The following FBXO34 variants were observed in gnomAD, a reference collection of about 807,000 sequenced individuals.
The protein encoded by FBXO34 is F-box protein 34, also known as F-box only protein 34.
In FBXO34, 12 loss-of-function variants were observed where a neutral mutation model predicts 24.5. The ratio of observed to expected loss-of-function variants is 0.49; its 90% CI spans 0.31 to 0.79. FBXO34 has a LOEUF of 0.79. Ranked by LOEUF, FBXO34 falls within the 30% of genes least tolerant of loss-of-function variation. The pLI, the probability that FBXO34 is intolerant of heterozygous loss-of-function variation, is 0.04. For synonymous variants in FBXO34, 320 were observed against 311.9 expected (o/e 1.03, Z -0.27); for missense variants, 823 against 857.7 (o/e 0.96, Z 0.51).
chr14:55,428,230 G>C, the FBXO34 span, among the ~76,000 whole-genome samples: 8 of 143,578 alleles, frequency 5.6e-5, no homozygotes, highest in Non-Finnish European at 1.0e-4. Flanking sequence ...CCTGGGTTCT[G>C]GCCATTCTTC....
chr14:55,351,262 T>C lies in FBXO34; in HGVS notation c.872T>C (p.Leu291Pro). 1 of 1,614,184 alleles carries C rather than the reference T, an allele frequency of 6.2e-7. No homozygotes were observed. The highest frequency in any genetic ancestry group is 8.5e-7 in the Non-Finnish European group (1 of 1,180,042). Reference sequence around the variant, plus strand: ...GTAGCCAAGTTGGAGTCTGAGTGCCTGAAGCGGCAGGGCCAGCGTGAGCCT... The same window carrying C: ...GTAGCCAAGTTGGAGTCTGAGTGCCCGAAGCGGCAGGGCCAGCGTGAGCCT... Reference protein sequence around the residue: ...DMVAKLESECLKRQGQREPGS... With the variant: ...DMVAKLESECPKRQGQREPGS... The change falls in exon 2 of 2, where the codon CTG (leucine) becomes CCG (proline). Residue 291 changes from leucine to proline, a missense_variant. Physicochemically the swap from Leu to Pro is moderately conservative, Grantham distance 98. Around this residue, in one of 2 missense-constraint regions of FBXO34, gnomAD observed 693 missense variants for 659.1 expected, o/e 1.05. Transcript: ENST00000313833.
intron 1 of FBXO34, among the ~76,000 whole-genome samples, chr14:55,292,444 C>T (rs1471327510): frequency 1.3e-5 from 2 of 152,086 alleles, no homozygotes; most frequent in African/African-American, 2.4e-5. Flanking sequence ...ACTGCAGCCT[C>T]TACCTCCTAG....
chr14:55,352,271 T>C lies in FBXO34; in HGVS notation c.1881T>C (p.Tyr627=). The change falls in exon 2 of 2, where the codon TAT becomes TAC. Residue 627 remains tyrosine (Y), a synonymous_variant. Transcript: ENST00000313833. ...ADSRWVRDPR[Y]REDPCKQCKK... is the part of the protein sequence containing the mutation. ...CTCGCTGGGTTCGAGATCCACGCTATAGAGAGGATCCTTGCAAACAGTGCA... is the reference window on the plus strand; with the variant it reads ...CTCGCTGGGTTCGAGATCCACGCTACAGAGAGGATCCTTGCAAACAGTGCA... 1 of 1,614,172 alleles carries C rather than the reference T, an allele frequency of 6.2e-7. No homozygotes were observed. The highest frequency in any genetic ancestry group is 8.5e-7 in the Non-Finnish European group (1 of 1,180,024).
chr14:55,305,860 T>C (rs1017930060), intron 1 of FBXO34, among the ~76,000 whole-genome samples: 4 of 152,246 alleles, frequency 2.6e-5, no homozygotes, highest in African/African-American at 9.6e-5. Context: ...GGTACACTGA[T>C]TTGGCTGTAA....
At chr14:55,318,148 T>C (rs1190128109) in intron 1 of FBXO34, 2 of 151,874 alleles carry the variant, frequency 1.3e-5, no homozygotes, top group Non-Finnish European at 2.9e-5. Context: ...CCAGTTCTTT[T>C]TGACCTGTGA....
chr14:55,365,786 G>A (rs1001306986), downstream of FBXO34, among the ~76,000 whole-genome samples: 1 of 152,064 alleles, frequency 6.6e-6, no homozygotes, highest in African/African-American at 2.4e-5. Context: ...AGATAAAGGG[G>A]CAGTATGACC....
intron 1 of FBXO34, among the ~76,000 whole-genome samples, chr14:55,320,578 C>T (rs932175609): frequency 2.6e-5 from 4 of 152,046 alleles, no homozygotes; most frequent in African/African-American, 7.3e-5. Flanking sequence ...GGTGAAACCC[C>T]GTCTCTACTA....
At chr14:55,411,803 T>C in the FBXO34 span, 2 of 1,597,392 alleles carry the variant, frequency 1.3e-6, no homozygotes, top group Admixed American at 1.7e-5. Context: ...CCGGGCTCCC[T>C]TCCCACTGGG....
At chr14:55,411,900 G>T in the FBXO34 span, 1 of 1,332,306 alleles carries the variant, frequency 7.5e-7, no homozygotes, top group Admixed American at 2.3e-5. Context: ...GAGGGGCCTG[G>T]GGAAGGGGGG....
intron 1 of FBXO34, among the ~76,000 whole-genome samples, chr14:55,319,480 T>G (rs1459279123): frequency 6.6e-6 from 1 of 152,220 alleles, no homozygotes; most frequent in Admixed American, 6.5e-5. Flanking sequence ...CTATGGTTTG[T>G]GTTTGAGTTG....
At chr14:55,289,690 T>C (rs2139673309) in intron 1 of FBXO34, among the ~76,000 whole-genome samples, 1 of 152,210 alleles carries the variant, frequency 6.6e-6, no homozygotes, top group Non-Finnish European at 1.5e-5. Context: ...CATGCACCAC[T>C]ACGTCCAGCT....
intron 1 of FBXO34, among the ~76,000 whole-genome samples, chr14:55,330,970 A>G (rs1476208060): frequency 6.6e-6 from 1 of 152,226 alleles, no homozygotes; most frequent in Non-Finnish European, 1.5e-5. Flanking sequence ...TGCTTGGTAC[A>G]TAGCAGATGC....
At chr14:55,438,408 T>A in the FBXO34 span, among the ~76,000 whole-genome samples, 1 of 152,198 alleles carries the variant, frequency 6.6e-6, no homozygotes, top group East Asian at 1.9e-4. Flanking sequence ...TTCCCCACCC[T>A]CAACCCACAG....
the FBXO34 span, among the ~76,000 whole-genome samples, chr14:55,409,905 G>A: frequency 6.6e-6 from 1 of 152,222 alleles, no homozygotes; most frequent in Non-Finnish European, 1.5e-5. Context: ...GACATAAGAG[G>A]AAATAAGTTT....
downstream of FBXO34, chr14:55,355,130 T>C (rs1243541671): frequency 6.6e-6 from 1 of 152,322 alleles, no homozygotes; most frequent in Non-Finnish European, 1.5e-5. Flanking sequence ...AGGGAGCTGC[T>C]GCTCCTATTC....
At chr14:55,340,307 T>C (rs951531856) in intron 1 of FBXO34, among the ~76,000 whole-genome samples, 1 of 152,154 alleles carries the variant, frequency 6.6e-6, no homozygotes, top group African/African-American at 2.4e-5. Flanking sequence ...TGCAGTGGCA[T>C]GATCATAGCT....
chr14:55,429,110 G>C, the FBXO34 span: 4 of 1,071,684 alleles, frequency 3.7e-6, no homozygotes, highest in Middle Eastern at 4.3e-4. Context: ...TTTGTGAGGA[G>C]GACTTACTTC....
chr14:55,346,725 A>C (rs564098916), intron 1 of FBXO34, among the ~76,000 whole-genome samples: 29 of 152,320 alleles, frequency 1.9e-4, no homozygotes, highest in Non-Finnish European at 3.2e-4. Context: ...GAATTTGGCA[A>C]TAAAAAGGCC....
At chr14:55,288,472 A>G (rs1185795006) in intron 1 of FBXO34, among the ~76,000 whole-genome samples, 6 of 152,216 alleles carry the variant, frequency 3.9e-5, no homozygotes, top group African/African-American at 1.4e-4. Context: ...TGTTTATGCC[A>G]TGAAAAAGGC....
Sources: allele counts gnomAD v4.1 joint callset (sites outside exome capture counted in the v4.1 genomes callset), GRCh38; gene constraint gnomAD v4.1.1; regional missense constraint gnomAD v4.1.1; transcripts MANE v1.5; gene names NCBI Gene and HGNC (gene_info 2026-07-23, HGNC 2026-07-21).